Variants in PCDHA5 observed in about 807,000 individuals in gnomAD.
PCDHA5 encodes the protein protocadherin alpha 5.
Under a neutral mutation model 61.6 loss-of-function variants are expected in PCDHA5, and 43 were observed. The observed-to-expected ratio is 0.70, with a 90% CI of 0.55 to 0.90. The LOEUF (loss-of-function observed/expected upper bound fraction) is 0.90, where lower values mean the gene tolerates loss of function less well. Ranked by LOEUF, PCDHA5 falls within the 40% of genes least tolerant of loss-of-function variation. The probability of loss-of-function intolerance (pLI) is 0.00; values close to 1 mark genes in which losing one functional copy is unlikely to be tolerated. For missense variants in PCDHA5, 1,298 were observed against 1,222.7 expected (o/e 1.06, Z -0.92); for synonymous variants, 627 against 543.9 (o/e 1.15, Z -2.13).
chr5:140,953,055 T>C (rs1389436711), intron 1 of PCDHA5, among the ~76,000 whole-genome samples: 3 of 152,178 alleles, frequency 2.0e-5, no homozygotes, highest in African/African-American at 7.2e-5. Flanking sequence ...CAATCACCTC[T>C]CACAGGCCCC....
intron 1 of PCDHA5, chr5:140,863,127 C>A: frequency 1.7e-6 from 1 of 597,490 alleles, no homozygotes; most frequent in Non-Finnish European, 3.3e-6. Context: ...CTACGCGCCA[C>A]CGCCTGCTGG....
Position 140,859,942 on chromosome 5 carries a change from C to T in PCDHA5, c.2352+35815C>T, listed in dbSNP as rs188063424. ...AGTAATATAAAAAACTTAGTAAAAACTCATATCAATTGTAAAAGTCTCAGG... is the reference window on the plus strand; with the variant it reads ...AGTAATATAAAAAACTTAGTAAAAATTCATATCAATTGTAAAAGTCTCAGG... On this transcript the variant is annotated intron_variant, in intron 1 of 3. Coordinates refer to ENST00000529859, the MANE Select transcript of PCDHA5 (RefSeq NM_018908.3). 5.9e-5 allele frequency: 9 copies of T among 151,828 alleles called. No individual in the cohort carries two copies. The East Asian group carries it at 1.5e-3, about 26-fold the overall frequency. 9.4% of individuals were successfully genotyped at this position (151,828 alleles called of 1,614,324 possible). A position where few individuals can be genotyped will look rare whatever the true frequency, so the allele number is the denominator to read the frequency against.
At chr5:140,896,864 G>A (rs1223708211) in intron 1 of PCDHA5, among the ~76,000 whole-genome samples, 1 of 152,088 alleles carries the variant, frequency 6.6e-6, no homozygotes, top group Admixed American at 6.5e-5. Flanking sequence ...CATAATAAGT[G>A]TACATATTTA....
intron 1 of PCDHA5, among the ~76,000 whole-genome samples, chr5:140,940,000 G>A (rs1442780881): frequency 6.6e-6 from 1 of 152,080 alleles, no homozygotes; most frequent in Non-Finnish European, 1.5e-5. Context: ...CTTGGATTTT[G>A]TCAATTTTTT....
At chr5:140,870,656 C>T (rs782506518) in intron 1 of PCDHA5, 22 of 1,612,360 alleles carry the variant, frequency 1.4e-5, no homozygotes, top group Non-Finnish European at 1.7e-6. Flanking sequence ...AAGGTGTACG[C>T]GCTGCAGCCG....
At chr5:141,005,470 G>A (rs1563690887) in intron 3 of PCDHA5, among the ~76,000 whole-genome samples, 1 of 151,836 alleles carries the variant, frequency 6.6e-6, no homozygotes, top group South Asian at 2.1e-4. Context: ...TTGGGAGGCC[G>A]AGACGGGCGG....
intron 1 of PCDHA5, chr5:140,927,197 A>G: frequency 6.2e-7 from 1 of 1,614,150 alleles, no homozygotes; most frequent in African/African-American, 1.3e-5. Flanking sequence ...CTGGTGCTCG[A>G]GGACCCGCTG....
intron 1 of PCDHA5, among the ~76,000 whole-genome samples, chr5:140,886,289 T>C (rs115070123): frequency 0.081 from 12,299 of 152,020 alleles, 542 homozygotes; most frequent in Middle Eastern, 0.13. Context: ...ATTATTTTTA[T>C]ATTTATTTAT....
chr5:140,966,974 C>A, intron 1 of PCDHA5: 1 of 1,602,874 alleles, frequency 6.2e-7, no homozygotes, highest in Non-Finnish European at 8.5e-7. Context: ...GCTTGAGCTG[C>A]GGCGCTTGGG....
Position 140,876,041 on chromosome 5 carries a change from T to A in PCDHA5, c.2352+51914T>A, listed in dbSNP as rs1554168219. The A allele has an allele frequency of 1.9e-6, 3 of 1,613,848 alleles. No homozygotes were observed. Among genetic ancestry groups the A allele is most frequent in the South Asian group, 2.2e-5 (2 of 91,072 alleles). On this transcript the variant is annotated intron_variant, in intron 1 of 3. Transcript: ENST00000529859. ...ATAAAAACAAAAAAAGATAAAAGTATATTGCCTGAATTAGTTCTTCGGAAG... is the reference window on the plus strand; with the variant it reads ...ATAAAAACAAAAAAAGATAAAAGTAAATTGCCTGAATTAGTTCTTCGGAAG...
intron 1 of PCDHA5, among the ~76,000 whole-genome samples, chr5:140,954,720 T>C (rs1255262640): frequency 1.3e-5 from 2 of 152,168 alleles, no homozygotes; most frequent in African/African-American, 4.8e-5. Context: ...ATTCTGTAGG[T>C]TGTCTTTTCA....
intron 1 of PCDHA5, chr5:140,966,627 C>G: frequency 6.3e-6 from 6 of 951,596 alleles, no homozygotes; most frequent in Non-Finnish European, 8.6e-6. Flanking sequence ...AGGGAGCGGC[C>G]CCAGGCGCTT....
intron 1 of PCDHA5, among the ~76,000 whole-genome samples, chr5:140,973,225 G>A (rs1554235003): frequency 6.6e-6 from 1 of 152,180 alleles, no homozygotes; most frequent in African/African-American, 2.4e-5. Flanking sequence ...TCCAGGTATA[G>A]TGACCTGAAA....
chr5:140,897,769 C>T (rs1441051679), intron 1 of PCDHA5, among the ~76,000 whole-genome samples: 2 of 152,198 alleles, frequency 1.3e-5, no homozygotes, highest in Non-Finnish European at 2.9e-5. Flanking sequence ...GCCACACTGA[C>T]TTCCACAATG....
At chr5:140,967,010 C>A (rs781936791) in intron 1 of PCDHA5, 2 of 1,606,340 alleles carry the variant, frequency 1.2e-6, no homozygotes, top group Admixed American at 3.3e-5. Context: ...CATCAACCAT[C>A]TGGGTGCGCC....
At position 140,928,541 on chromosome 5, in the gene PCDHA5, A is replaced by G. The variant is rs149868042; in HGVS notation, c.2353-50408A>G. On this transcript the variant is annotated intron_variant, in intron 1 of 3. Transcript: ENST00000529859. ...AACTTGTTTGTGGTAGATAGGAATG[A>G]CAATTATCCGGTTATCTTGTTTCCC... 2 of 1,614,192 alleles carry G rather than the reference A, an allele frequency of 1.2e-6. No homozygotes were observed. Among genetic ancestry groups the G allele is most frequent in the African/African-American group, 1.3e-5 (1 of 75,044 alleles).
chr5:140,925,061 C>T (rs968376229), intron 1 of PCDHA5, among the ~76,000 whole-genome samples: 2 of 147,510 alleles, frequency 1.4e-5, no homozygotes, highest in Non-Finnish European at 3.0e-5. Context: ...GACTGGGCAA[C>T]AAAGCAACAC....
At chr5:140,870,239 G>C (rs781847723) in intron 1 of PCDHA5, 6 of 1,614,134 alleles carry the variant, frequency 3.7e-6, no homozygotes, top group Non-Finnish European at 4.2e-6. Flanking sequence ...CGTGACTCAG[G>C]TGTCAACGGA....
chr5:140,998,708 G>A (rs2153953637), intron 3 of PCDHA5, among the ~76,000 whole-genome samples: 1 of 152,142 alleles, frequency 6.6e-6, no homozygotes, highest in South Asian at 2.1e-4. Context: ...GGGATTACAA[G>A]CTTGCACCAC....
Sources: allele counts gnomAD v4.1 joint callset (sites outside exome capture counted in the v4.1 genomes callset), GRCh38; gene constraint gnomAD v4.1.1; transcripts MANE v1.5; gene names NCBI Gene and HGNC (gene_info 2026-07-23, HGNC 2026-07-21).